PDGFC: variants seen among roughly 807,000 people sequenced by gnomAD.
PDGFC encodes the protein platelet-derived growth factor C.
Under a neutral mutation model 35.5 loss-of-function variants are expected in PDGFC, and 12 were observed. That is an observed-to-expected ratio of 0.34 (90% CI 0.22 to 0.55). PDGFC has a LOEUF of 0.55. PDGFC is among the 20% of genes least tolerant of loss of function. The probability of loss-of-function intolerance (pLI) is 0.91; values close to 1 mark genes in which losing one functional copy is unlikely to be tolerated. For missense variants in PDGFC, 322 were observed against 412.4 expected, an observed-to-expected ratio of 0.78 and a Z score of 1.90; for synonymous variants, 159 against 148.8, an observed-to-expected ratio of 1.07 and a Z score of -0.50.
At chr4:156,825,870 CTTT>C (rs539377092) in intron 2 of PDGFC, among the ~76,000 whole-genome samples, 2 of 125,686 alleles carry the variant, frequency 1.6e-5, no homozygotes, top group Admixed American at 1.5e-4. Context: ...ATGCAATTTT[CTTT>C]TTTTTTTTTT....
intron 1 of PDGFC, among the ~76,000 whole-genome samples, chr4:156,862,133 A>G: frequency 6.6e-6 from 1 of 152,196 alleles, no homozygotes. Context: ...AAATTAATAC[A>G]AATCCTCCAA....
chr4:156,823,197 G>A (rs993320029), intron 2 of PDGFC, among the ~76,000 whole-genome samples: 3 of 152,082 alleles, frequency 2.0e-5, no homozygotes, highest in Non-Finnish European at 2.9e-5. Flanking sequence ...CTGTGGTCAG[G>A]AGTTCAAGAC....
chr4:156,870,061 T>C (rs1560849799), intron 1 of PDGFC, among the ~76,000 whole-genome samples: 1 of 152,080 alleles, frequency 6.6e-6, no homozygotes, highest in Admixed American at 6.6e-5. Flanking sequence ...TATCACTTAC[T>C]GTAAGGTTCA....
At chr4:156,763,563 TG>T (rs1212882277) in intron 5 of PDGFC, among the ~76,000 whole-genome samples, 2 of 152,228 alleles carry the variant, frequency 1.3e-5, no homozygotes, top group African/African-American at 4.8e-5. Flanking sequence ...TTCGTTTTTC[TG>T]TTTGTCGCTT....
At chr4:156,935,581 C>G (rs776770022) in intron 1 of PDGFC, among the ~76,000 whole-genome samples, 5 of 152,136 alleles carry the variant, frequency 3.3e-5, no homozygotes, top group Non-Finnish European at 7.3e-5. Context: ...GATGAGACCA[C>G]TGTCATATAT....
chr4:156,846,411 T>A (rs1404854066), intron 2 of PDGFC, among the ~76,000 whole-genome samples: 2 of 151,692 alleles, frequency 1.3e-5, no homozygotes, highest in African/African-American at 4.8e-5. Flanking sequence ...GATCTAATTA[T>A]GAAGAAATAT....
intron 2 of PDGFC, among the ~76,000 whole-genome samples, chr4:156,822,336 G>A (rs1732288700): frequency 7.4e-6 from 1 of 135,546 alleles, no homozygotes; most frequent in Non-Finnish European, 1.5e-5. Context: ...TCCAGCCTGG[G>A]AGACGGAGTG....
At chr4:156,871,314 TC>T (rs894375788) in intron 1 of PDGFC, among the ~76,000 whole-genome samples, 14 of 151,460 alleles carry the variant, frequency 9.2e-5, no homozygotes, top group African/African-American at 7.3e-5. Flanking sequence ...GATTTATTTT[TC>T]CCCCCCTGGC....
intron 1 of PDGFC, among the ~76,000 whole-genome samples, chr4:156,872,506 C>T (rs933564687): frequency 6.6e-6 from 1 of 152,214 alleles, no homozygotes; most frequent in Non-Finnish European, 1.5e-5. Flanking sequence ...TTAGTACACA[C>T]TCCTCTCATC....
At chr4:156,892,347 A>C (rs1730534509) in intron 1 of PDGFC, among the ~76,000 whole-genome samples, 1 of 152,182 alleles carries the variant, frequency 6.6e-6, no homozygotes, top group African/African-American at 2.4e-5. Context: ...TCCTGATAGC[A>C]ACTAAAACTC....
intron 1 of PDGFC, among the ~76,000 whole-genome samples, chr4:156,871,315 C>A (rs1421009720): frequency 6.6e-6 from 1 of 151,394 alleles, no homozygotes; most frequent in African/African-American, 2.4e-5. Context: ...ATTTATTTTT[C>A]CCCCCCTGGC....
intron 3 of PDGFC, among the ~76,000 whole-genome samples, chr4:156,800,867 G>A (rs1172607566): frequency 6.6e-6 from 1 of 152,058 alleles, no homozygotes; most frequent in Non-Finnish European, 1.5e-5. Flanking sequence ...AGCTAACTTT[G>A]GGAGAAATTT....
chr4:156,792,557 G>A (rs1261834862), intron 3 of PDGFC, among the ~76,000 whole-genome samples: 1 of 152,246 alleles, frequency 6.6e-6, no homozygotes, highest in East Asian at 1.9e-4. Flanking sequence ...TCAATTGAAT[G>A]ACAAGTTATT....
rs570389370 is a variant in PDGFC, at chr4:156,944,341, C to T, written c.118+26445G>A. Among the ~76,000 whole-genome samples the T allele has an allele frequency of 9.2e-5, 14 of 152,226 alleles. No individual in the cohort carries two copies. In the South Asian group the frequency reaches 2.9e-3, roughly 32 times the overall value. The stretch of plus-strand genomic sequence containing the variant: ...AATGGAATTCTTTATTCTGGCACAT[C>T]TTCCTCTGTAAATAAAAAAAGGGCC... On this transcript the variant is annotated intron_variant, in intron 1 of 5. Transcript: ENST00000502773.
At chr4:156,917,171 G>A (rs967602165) in intron 1 of PDGFC, among the ~76,000 whole-genome samples, 5 of 152,094 alleles carry the variant, frequency 3.3e-5, no homozygotes, top group African/African-American at 1.2e-4. Context: ...CTTGACAGAT[G>A]GCCTTCAAGA....
At chr4:156,879,087 G>T (rs1224782419) in intron 1 of PDGFC, among the ~76,000 whole-genome samples, 2 of 152,088 alleles carry the variant, frequency 1.3e-5, no homozygotes. Context: ...GTCTTATGAG[G>T]TGTTTTGTAC....
Position 156,763,069 on chromosome 4 carries a change from G to A in PDGFC, c.*21C>T. Reference sequence around the variant, plus strand: ...CACTGCACTGCACAGCTCTGGGCAAGAGCTGCTGGTGGTGATGCGGCTATC... The same window carrying A: ...CACTGCACTGCACAGCTCTGGGCAAAAGCTGCTGGTGGTGATGCGGCTATC... On this transcript the variant is annotated 3_prime_UTR_variant, in exon 6 of 6. Coordinates refer to ENST00000502773, the MANE Select transcript of PDGFC (RefSeq NM_016205.3). The A allele has an allele frequency of 8.0e-7, 1 of 1,249,686 alleles. No individual in the cohort carries two copies. The highest frequency in any genetic ancestry group is 1.2e-6 in the Non-Finnish European group (1 of 847,470). The allele number at this position is 1,249,686 out of a possible 1,614,324, so 77.4% of individuals were successfully genotyped here.
intron 1 of PDGFC, among the ~76,000 whole-genome samples, chr4:156,917,087 A>C (rs1050633234): frequency 2.6e-5 from 4 of 152,182 alleles, no homozygotes; most frequent in African/African-American, 9.7e-5. Flanking sequence ...AAATTAAAAG[A>C]AAAAAAGGAA....
intron 2 of PDGFC, among the ~76,000 whole-genome samples, chr4:156,828,400 G>C (rs940340593): frequency 4.6e-5 from 7 of 152,152 alleles, no homozygotes; most frequent in African/African-American, 1.7e-4. Context: ...CCGGCATCAA[G>C]ACCGTGCTTA....
Sources: gnomAD v4.1 joint callset for allele counts (sites outside exome capture counted in the v4.1 genomes callset) on GRCh38, gnomAD v4.1.1 for gene constraint, MANE v1.5 for transcripts, NCBI Gene and HGNC (gene_info 2026-07-23, HGNC 2026-07-21) for gene names.